KLHL22: variants seen among roughly 807,000 people sequenced by gnomAD.
The protein encoded by KLHL22 is kelch like family member 22.
KLHL22 carries 18 observed loss-of-function variants against 60.7 expected under a neutral mutation model. The observed-to-expected ratio is 0.30, with a 90% CI of 0.20 to 0.44. The LOEUF is 0.44. KLHL22 is among the 20% of genes least tolerant of loss of function. The pLI is 1.00. For synonymous variants in KLHL22, 355 were observed against 354.5 expected, an observed-to-expected ratio of 1.00 and a Z score of -0.01; for missense variants, 596 against 852.3, an observed-to-expected ratio of 0.70 and a Z score of 3.74.
chr22:20,488,375 T>C (rs769235853), intron 2 of KLHL22, among the ~76,000 whole-genome samples: 1 of 152,208 alleles, frequency 6.6e-6, no homozygotes, highest in African/African-American at 2.4e-5. Flanking sequence ...AAATGGTGTA[T>C]TGATCTGCTA....
chr22:20,443,692 G>T (rs1228327050), intron 6 of KLHL22, among the ~76,000 whole-genome samples: 2 of 150,966 alleles, frequency 1.3e-5, no homozygotes, highest in African/African-American at 2.4e-5. Flanking sequence ...TGAGCCAAGA[G>T]CACCACTGCA....
chr22:20,486,651 A>G (rs2053591103), intron 2 of KLHL22, among the ~76,000 whole-genome samples: 1 of 151,622 alleles, frequency 6.6e-6, no homozygotes, highest in South Asian at 2.1e-4. Context: ...AATAATAAAC[A>G]TGCTAACACT....
At chr22:20,446,384 A>G (rs1257605260) in intron 6 of KLHL22, 59 bp downstream of exon 6, 3 of 975,248 alleles carry the variant, frequency 3.1e-6, no homozygotes, top group Non-Finnish European at 3.2e-6. Context: ...TTTTCCATCA[A>G]TAACAACTGA....
At chr22:20,444,758 A>C (rs538139528) in intron 6 of KLHL22, among the ~76,000 whole-genome samples, 189 of 150,548 alleles carry the variant, frequency 1.3e-3, no homozygotes, top group Non-Finnish European at 2.2e-3. Context: ...AGAGAAGCAG[A>C]ATGGGATATG....
Position 20,465,255 on chromosome 22 carries a change from T to G in KLHL22, c.715A>C (p.Lys239Gln), listed in dbSNP as rs762809672. 2.4e-5 allele frequency: 39 copies of G among 1,613,828 alleles called. No homozygotes were observed. Among genetic ancestry groups the G allele is most frequent in the Non-Finnish European group, 3.1e-5 (37 of 1,179,998 alleles). The change falls in exon 4 of 7, where the codon AAG becomes CAG. Residue 239 changes from lysine to glutamine, a missense_variant. Lys to Gln is a moderately conservative substitution (Grantham distance 53, BLOSUM62 1). Transcript: ENST00000328879. This position sits in a 1 kb window ranked among gnomAD's most constrained non-coding sequence, Gnocchi z 4.9. ...ADQISLHEPPKLLETVRFPLM... is the reference protein window; with the variant it reads ...ADQISLHEPPQLLETVRFPLM... ...GGAAACCGCACTGTCTCAAGGAGCT[T>G]TGGGGGCTCGTGCAGCGAGATCTGG...
chr22:20,465,008 A>T lies in KLHL22; in HGVS notation c.962T>A (p.Leu321Gln). The T allele has an allele frequency of 6.2e-7, 1 of 1,611,900 alleles. No individual in the cohort carries two copies. Residue 321 changes from leucine (L) to glutamine (Q), a missense_variant, in exon 4 of 7, where the codon CTA (leucine) becomes CAA (glutamine). Physicochemically the swap from Leu to Gln is moderately radical, Grantham distance 113. Coordinates refer to ENST00000328879, the MANE Select transcript of KLHL22 (RefSeq NM_032775.4). The surrounding 1 kb of genome is among the most constrained non-coding windows in gnomAD (Gnocchi z 4.9). Reference sequence around the variant, plus strand: ...CTTCCACTCTCCCAGTAAGGGGTTTAGATACTTGGCCTGGTCGCTGAGGAC... The same window carrying T: ...CTTCCACTCTCCCAGTAAGGGGTTTTGATACTTGGCCTGGTCGCTGAGGAC... ...STVLSDQAKY[L>Q]NPLLGEWKHF...
chr22:20,475,609 T>C (rs890643235), intron 2 of KLHL22, among the ~76,000 whole-genome samples: 5 of 152,050 alleles, frequency 3.3e-5, no homozygotes, highest in Middle Eastern at 6.8e-3. Context: ...TTGCCCAAGC[T>C]GGAGTGCAGC....
intron 2 of KLHL22, among the ~76,000 whole-genome samples, chr22:20,486,322 C>A (rs2146281508): frequency 6.6e-6 from 1 of 152,268 alleles, no homozygotes; most frequent in Middle Eastern, 3.4e-3. Flanking sequence ...GGATCATCTT[C>A]CACCAGGTCC....
At chr22:20,468,311 G>A (rs981466517) in intron 3 of KLHL22, among the ~76,000 whole-genome samples, 4 of 152,236 alleles carry the variant, frequency 2.6e-5, no homozygotes, top group Admixed American at 2.6e-4. Flanking sequence ...CTCCTTGAGA[G>A]GACCCTGCTG....
chr22:20,483,764 C>T, intron 2 of KLHL22: 1 of 739,778 alleles, frequency 1.4e-6, no homozygotes, highest in Admixed American at 1.7e-5. Flanking sequence ...TCTCCAAGTG[C>T]TTCTGGATTT....
In KLHL22 at chr22:20,479,688, C is replaced by T. The variant is rs568468129; in HGVS notation, c.228-8173G>A. ...TCCAGCCTAGGTGACAGAGCAAAAT[C>T]CTGTCTCAAAAAACAAAACAAACAA... On this transcript the variant is annotated intron_variant, in intron 2 of 6. Transcript: ENST00000328879. Among the ~76,000 whole-genome samples, 4 of 152,206 alleles carry T rather than the reference C, an allele frequency of 2.6e-5. No homozygotes were observed. The South Asian group carries it at 8.3e-4, about 32-fold the overall frequency.
At chr22:20,458,243 C>CT (rs2053095813) in intron 4 of KLHL22, among the ~76,000 whole-genome samples, 1 of 151,054 alleles carries the variant, frequency 6.6e-6, no homozygotes, top group Non-Finnish European at 1.5e-5. Flanking sequence ...GTGTTTCCAC[C>CT]TAACTGTCCA....
At chr22:20,453,473 C>T (rs1164293147) in intron 5 of KLHL22, among the ~76,000 whole-genome samples, 1 of 152,168 alleles carries the variant, frequency 6.6e-6, no homozygotes, top group East Asian at 1.9e-4. Context: ...GGCATATTTA[C>T]TCAGGTCTGT....
chr22:20,443,505 C>A lies in KLHL22; in HGVS notation c.1540-1067G>T, dbSNP rs549698082. On this transcript the variant is annotated intron_variant, in intron 6 of 6. Coordinates refer to ENST00000328879, the MANE Select transcript of KLHL22 (RefSeq NM_032775.4). ...CCTGTAATCCCAGCACTTTGGGAGG[C>A]CAAGGCGGGCTGATCACAAGGTCAA... Among the ~76,000 whole-genome samples, 35 of 152,036 alleles carry A rather than the reference C, an allele frequency of 2.3e-4. 1 individual carries two copies. The South Asian group carries it at 6.5e-3, about 28-fold the overall frequency.
At position 20,465,658 on chromosome 22, in the gene KLHL22, G is replaced by T; in HGVS notation, c.394-82C>A. 1 of 778,828 alleles carries T rather than the reference G, an allele frequency of 1.3e-6. No homozygotes were observed. The allele number at this position is 778,828 out of a possible 1,614,324, so 48.2% of individuals were successfully genotyped here. ...GGAGAGAGAATGATGGCAGAAATAC[G>T]GGCTGTTGTGGGCCAGGCAAAGCAG... is the stretch of plus-strand genomic sequence containing the variant. On this transcript the variant is annotated intron_variant, in intron 3 of 6. Coordinates refer to ENST00000328879, the MANE Select transcript of KLHL22 (RefSeq NM_032775.4). The surrounding 1 kb of genome is among the most constrained non-coding windows in gnomAD (Gnocchi z 4.9).
At chr22:20,461,226 T>G (rs913432564) in intron 4 of KLHL22, among the ~76,000 whole-genome samples, 1 of 151,984 alleles carries the variant, frequency 6.6e-6, no homozygotes, top group South Asian at 2.1e-4. Context: ...AACCCTAGAG[T>G]TGGTACAAAA....
At chr22:20,489,819 AG>A in intron 1 of KLHL22, 1 of 470,926 alleles carries the variant, frequency 2.1e-6, no homozygotes, top group Non-Finnish European at 4.4e-6. Context: ...GTGGGTGCCA[AG>A]GGGGTGGCAT....
Position 20,486,772 on chromosome 22 carries a change from C to T in KLHL22, c.227+2213G>A, listed in dbSNP as rs181524869. Among the ~76,000 whole-genome samples, 926 of 151,954 alleles carry T rather than the reference C, an allele frequency of 6.1e-3. 4 individuals carry two copies. Among genetic ancestry groups the T allele is most frequent in the Middle Eastern group, 0.037 (11 of 294 alleles). On this transcript the variant is annotated intron_variant, in intron 2 of 6. Coordinates refer to ENST00000328879, the MANE Select transcript of KLHL22 (RefSeq NM_032775.4). ...TCTCGGCTCACTGCAACCTCCGCCT[C>T]CCGGGTTCAAGCAATTCTCCTGCTT...
rs1379748022 is a variant in KLHL22, at chr22:20,446,608, ATCC to A, written c.1371_1373del (p.Glu457del). The A allele has an allele frequency of 6.2e-7, 1 of 1,613,732 alleles. No homozygotes were observed. Among genetic ancestry groups the A allele is most frequent in the Non-Finnish European group, 8.5e-7 (1 of 1,180,030 alleles). On this transcript the variant is annotated inframe_deletion, in exon 6 of 7. Transcript: ENST00000328879. ...CGTAGCAGTGTGTCTCTTTCAGGTA[ATCC>A]TCCCCTCTGCGGCCGCAGGTGATAT... is the stretch of plus-strand genomic sequence containing the variant.
Sources: gnomAD v4.1 joint callset for allele counts (sites outside exome capture counted in the v4.1 genomes callset) on GRCh38, gnomAD v4.1.1 for gene constraint, Gnocchi (gnomAD v3.1) non-coding constraint, MANE v1.5 for transcripts, NCBI Gene and HGNC (gene_info 2026-07-23, HGNC 2026-07-21) for gene names.